Variants in CNTNAP2 observed in about 807,000 individuals in gnomAD.
The protein encoded by CNTNAP2 is contactin-associated protein-like 2.
A neutral mutation model predicts 155.2 loss-of-function variants in CNTNAP2; 98 were observed. The ratio of observed to expected loss-of-function variants is 0.63; its 90% confidence interval spans 0.54 to 0.75. The LOEUF (loss-of-function observed/expected upper bound fraction) is 0.75, where lower values mean the gene tolerates loss of function less well. Ranked by LOEUF, CNTNAP2 falls within the 30% of genes least tolerant of loss-of-function variation. The probability of loss-of-function intolerance (pLI) is 0.00; values close to 1 mark genes in which losing one functional copy is unlikely to be tolerated. For missense variants in CNTNAP2, 1,727 were observed against 1,688.1 expected (o/e 1.02, Z -0.40); for synonymous variants, 651 against 631.2 (o/e 1.03, Z -0.47).
intron 1 of CNTNAP2, among the ~76,000 whole-genome samples, chr7:146,630,735 G>T (rs1799497211): frequency 6.6e-6 from 1 of 151,946 alleles, no homozygotes; most frequent in Admixed American, 6.6e-5. Context: ...GACCAGTGAT[G>T]ATGAGCAAAA....
At chr7:148,403,230 A>T (rs893941645) in intron 22 of CNTNAP2, among the ~76,000 whole-genome samples, 21 of 150,730 alleles carry the variant, frequency 1.4e-4, no homozygotes, top group African/African-American at 5.1e-4. Context: ...TTGGTGGAGG[A>T]GGGGAGGAGA....
rs1306013234 is a variant in CNTNAP2, at chr7:147,476,926, A to G, written c.1671-9009A>G. On this transcript the variant is annotated intron_variant, in intron 10 of 23. Coordinates refer to ENST00000361727, the MANE Select transcript of CNTNAP2 (RefSeq NM_014141.6). ...CTGGGTGACAGAGCGAGACTCTGTC[A>G]TTTAAAAAAAAAAAAAAAAAAAAGA... Among the ~76,000 whole-genome samples the G allele has an allele frequency of 2.0e-4, 9 of 45,884 alleles. No individual in the cohort carries two copies. In the East Asian group the frequency reaches 4.5e-3, roughly 23 times the overall value. 30.1% of individuals were successfully genotyped at this position (45,884 alleles called of 152,430 possible).
At chr7:147,056,273 T>C (rs569548037) in intron 4 of CNTNAP2, among the ~76,000 whole-genome samples, 1 of 152,340 alleles carries the variant, frequency 6.6e-6, no homozygotes, top group South Asian at 2.1e-4. Flanking sequence ...GTATGTGCTC[T>C]TTTAAACTTG....
chr7:148,375,278 GTA>G (rs2116647160), intron 21 of CNTNAP2, among the ~76,000 whole-genome samples: 1 of 147,258 alleles, frequency 6.8e-6, no homozygotes, highest in Non-Finnish European at 1.5e-5. Context: ...TTACATATAT[GTA>G]TATATACAAC....
At chr7:147,631,629 A>T (rs534687504) in intron 12 of CNTNAP2, among the ~76,000 whole-genome samples, 1 of 152,354 alleles carries the variant, frequency 6.6e-6, no homozygotes, top group East Asian at 1.9e-4. Flanking sequence ...GTGTAAAAAT[A>T]GGCAAGTAGA....
intron 1 of CNTNAP2, among the ~76,000 whole-genome samples, chr7:146,138,844 T>G (rs1347558990): frequency 6.6e-6 from 1 of 152,050 alleles, no homozygotes; most frequent in Non-Finnish European, 1.5e-5. Context: ...TATGCTTTCT[T>G]AACCCAACCA....
chr7:147,620,709 A>G (rs1008576410), intron 12 of CNTNAP2, among the ~76,000 whole-genome samples: 2 of 152,070 alleles, frequency 1.3e-5, no homozygotes, highest in African/African-American at 4.8e-5. Context: ...ACAAGAGGAA[A>G]TAATAATTTT....
At chr7:147,073,222 A>ATGTATTT (rs61656966) in intron 4 of CNTNAP2, among the ~76,000 whole-genome samples, 15,966 of 149,866 alleles carry the variant, frequency 0.11, 2,312 homozygotes, top group African/African-American at 0.33. Context: ...ACAAAATACT[A>ATGTATTT]TGTAGCCATA....
chr7:148,029,633 A>G (rs1304324490), intron 15 of CNTNAP2, among the ~76,000 whole-genome samples: 1 of 152,212 alleles, frequency 6.6e-6, no homozygotes, highest in Non-Finnish European at 1.5e-5. Context: ...CATAAATATC[A>G]GCATAGCATC....
intron 14 of CNTNAP2, among the ~76,000 whole-genome samples, chr7:147,933,494 GAGATAGATAGATAGATAGATAGAT>G (rs71183037): frequency 5.8e-5 from 7 of 120,656 alleles, no homozygotes; most frequent in Admixed American, 9.3e-5. Flanking sequence ...CAGAAAATGT[GAGATAGATAGATAGATAGATAGAT>G]AGATAGATAG....
chr7:147,853,195 A>G (rs117348836), intron 13 of CNTNAP2, among the ~76,000 whole-genome samples: 6,755 of 152,296 alleles, frequency 0.044, 272 homozygotes, highest in Admixed American at 0.12. Context: ...TTTATATTCA[A>G]TCATAACTCA....
At chr7:146,989,100 T>A (rs1489005993) in intron 3 of CNTNAP2, among the ~76,000 whole-genome samples, 1 of 152,168 alleles carries the variant, frequency 6.6e-6, no homozygotes, top group Non-Finnish European at 1.5e-5. Flanking sequence ...CAGCATCATC[T>A]TTGATTCTGT....
chr7:147,117,744 A>T (rs1244452757), intron 5 of CNTNAP2, among the ~76,000 whole-genome samples: 1 of 152,174 alleles, frequency 6.6e-6, no homozygotes, highest in African/African-American at 2.4e-5. Flanking sequence ...TCAGTATTAT[A>T]CTAAAAATTG....
intron 1 of CNTNAP2, among the ~76,000 whole-genome samples, chr7:146,638,476 CTTTTTT>C (rs879600389): frequency 2.3e-4 from 15 of 64,364 alleles, no homozygotes; most frequent in South Asian, 1.9e-3. Flanking sequence ...TCAGGTGTTT[CTTTTTT>C]TTTTTTTTTT....
chr7:147,236,794 T>C (rs1310512649), intron 8 of CNTNAP2, among the ~76,000 whole-genome samples: 2 of 152,042 alleles, frequency 1.3e-5, no homozygotes, highest in Non-Finnish European at 2.9e-5. Flanking sequence ...CACATCCAAT[T>C]ACTCAATTCA....
chr7:147,083,443 A>G (rs999491043), intron 4 of CNTNAP2, among the ~76,000 whole-genome samples: 9 of 151,238 alleles, frequency 6.0e-5, no homozygotes, highest in African/African-American at 2.2e-4. Context: ...TGTAATGTGT[A>G]CATTAAATTT....
chr7:147,948,670 T>A (rs1426168134), intron 14 of CNTNAP2, among the ~76,000 whole-genome samples: 2 of 149,564 alleles, frequency 1.3e-5, no homozygotes, highest in Non-Finnish European at 3.0e-5. Flanking sequence ...TATATATATG[T>A]GTGTGTGTGT....
chr7:147,764,499 C>T (rs1797355423), intron 13 of CNTNAP2, among the ~76,000 whole-genome samples: 2 of 152,198 alleles, frequency 1.3e-5, no homozygotes, highest in Admixed American at 1.3e-4. Context: ...TATGATATGG[C>T]TCCCTCCTAT....
chr7:146,507,555 G>A (rs1176729254), intron 1 of CNTNAP2, among the ~76,000 whole-genome samples: 7 of 152,140 alleles, frequency 4.6e-5, no homozygotes, highest in Non-Finnish European at 1.0e-4. Context: ...GCTCACAAAA[G>A]TCTCTAGTTG....
Sources: gnomAD v4.1 joint callset for allele counts (sites outside exome capture counted in the v4.1 genomes callset) on GRCh38, gnomAD v4.1.1 for gene constraint, MANE v1.5 for transcripts, NCBI Gene and HGNC (gene_info 2026-07-23, HGNC 2026-07-21) for gene names.